Variants in GLRA1 observed in about 807,000 individuals in gnomAD.
GLRA1 encodes glycine receptor alpha 1.
Under a neutral mutation model 48.3 loss-of-function variants are expected in GLRA1, and 37 were observed. That is an observed-to-expected ratio of 0.77 (90% CI 0.59 to 1.01). The LOEUF (loss-of-function observed/expected upper bound fraction) is 1.01. GLRA1 is among the 50% of genes least tolerant of loss of function. The pLI is 0.00. For missense variants in GLRA1, 427 were observed against 571.0 expected (o/e 0.75, Z 2.57); for synonymous variants, 196 against 210.7 (o/e 0.93, Z 0.60).
intron 7 of GLRA1, among the ~76,000 whole-genome samples, chr5:151,849,426 C>CTTTCA (rs1752822770): frequency 5.6e-5 from 1 of 18,008 alleles, no homozygotes; most frequent in African/African-American, 3.1e-4. Flanking sequence ...CTTTCCTTTC[C>CTTTCA]TTTCCTTTCC....
intron 1 of GLRA1, among the ~76,000 whole-genome samples, chr5:151,918,449 C>T (rs763891309): frequency 2.8e-4 from 42 of 152,122 alleles, no homozygotes; most frequent in Admixed American, 1.8e-3. Flanking sequence ...TTTCTTAAAA[C>T]GAGGCTTTTG....
chr5:151,857,621 A>C (rs759482037), intron 4 of GLRA1, among the ~76,000 whole-genome samples: 1 of 152,184 alleles, frequency 6.6e-6, no homozygotes, highest in Non-Finnish European at 1.5e-5. Flanking sequence ...CTACATCAGT[A>C]GGCTCATGCT....
chr5:151,924,464 G>A, intron 1 of GLRA1, 30 bp downstream of exon 1: 2 of 1,374,826 alleles, frequency 1.5e-6, no homozygotes, highest in Non-Finnish European at 2.1e-6. Context: ...ATTTCCATCA[G>A]AGCGATGTGG....
At chr5:151,886,480 A>G (rs182167095) in intron 3 of GLRA1, among the ~76,000 whole-genome samples, 75 of 152,272 alleles carry the variant, frequency 4.9e-4, no homozygotes, top group Admixed American at 2.7e-3. Context: ...TGTTTTTGTA[A>G]TCCTGGGTGT....
intron 7 of GLRA1, chr5:151,849,855 A>C: frequency 7.2e-7 from 1 of 1,394,562 alleles, no homozygotes; most frequent in Non-Finnish European, 9.4e-7. Context: ...TGCCTAGCCT[A>C]GAATTTTGAT....
intron 3 of GLRA1, among the ~76,000 whole-genome samples, chr5:151,865,877 TC>T (rs1753322470): frequency 6.6e-6 from 1 of 152,146 alleles, no homozygotes; most frequent in African/African-American, 2.4e-5. Context: ...ATTGATTTCC[TC>T]CCTTAAGTTG....
chr5:151,851,168 G>A (rs899678590), intron 7 of GLRA1, among the ~76,000 whole-genome samples: 4 of 152,248 alleles, frequency 2.6e-5, no homozygotes, highest in African/African-American at 7.2e-5. Flanking sequence ...GGAGCAGAAT[G>A]TGGTGTCTGG....
intron 1 of GLRA1, among the ~76,000 whole-genome samples, chr5:151,921,017 C>T (rs1265681586): frequency 6.6e-6 from 1 of 152,196 alleles, no homozygotes; most frequent in Non-Finnish European, 1.5e-5. Context: ...TGGATAGAAA[C>T]ATCTTCCCTT....
chr5:151,902,252 G>A (rs1473037915), intron 1 of GLRA1, among the ~76,000 whole-genome samples: 2 of 152,036 alleles, frequency 1.3e-5, no homozygotes, highest in Non-Finnish European at 2.9e-5. Flanking sequence ...TCGATTGAAA[G>A]GTAGGAGGCC....
At chr5:151,924,341 G>T (rs372230700) in intron 1 of GLRA1, among the ~76,000 whole-genome samples, 153 bp downstream of exon 1, 3 of 151,122 alleles carry the variant, frequency 2.0e-5, no homozygotes, top group Non-Finnish European at 4.4e-5. Flanking sequence ...GGGGTGGGAG[G>T]GGGGAGAAGG....
chr5:151,842,335 G>C (rs1389252043), intron 7 of GLRA1, among the ~76,000 whole-genome samples: 1 of 136,552 alleles, frequency 7.3e-6, no homozygotes, highest in Admixed American at 7.4e-5. Context: ...CATCTCTTAT[G>C]AATACAGACA....
At chr5:151,849,138 T>TCTCTCTC (rs1752783477) in intron 7 of GLRA1, 1 of 200,176 alleles carries the variant, frequency 5.0e-6, no homozygotes, top group African/African-American at 5.1e-5. Flanking sequence ...CTTTCTTTCT[T>TCTCTCTC]TCTTTCTTTC....
chr5:151,865,353 G>A (rs1015967313), intron 3 of GLRA1, among the ~76,000 whole-genome samples: 1 of 152,180 alleles, frequency 6.6e-6, no homozygotes, highest in Non-Finnish European at 1.5e-5. Flanking sequence ...GATATTTAAG[G>A]TGAGACCAAA....
chr5:151,897,299 C>T (rs903015713), intron 1 of GLRA1, among the ~76,000 whole-genome samples: 1 of 152,150 alleles, frequency 6.6e-6, no homozygotes, highest in African/African-American at 2.4e-5. Flanking sequence ...AGATATGCAT[C>T]GGGGAGCTCT....
At chr5:151,848,026 T>A (rs76110641) in intron 7 of GLRA1, among the ~76,000 whole-genome samples, 20,829 of 152,154 alleles carry the variant, frequency 0.14, 1,536 homozygotes, top group African/African-American at 0.16. Flanking sequence ...GCAAATGTGG[T>A]GTTTAACACT....
chr5:151,911,154 T>A (rs1021658739), intron 1 of GLRA1, among the ~76,000 whole-genome samples: 3 of 152,242 alleles, frequency 2.0e-5, no homozygotes, highest in Non-Finnish European at 4.4e-5. Flanking sequence ...TCAGCTTGAC[T>A]GTTCTGCAAG....
intron 1 of GLRA1, among the ~76,000 whole-genome samples, chr5:151,905,421 A>G (rs114415941): frequency 1.2e-3 from 182 of 152,004 alleles, no homozygotes; most frequent in African/African-American, 4.3e-3. Flanking sequence ...AAATGACTGC[A>G]TATGCCAGTG....
chr5:151,835,097 C>T (rs944128348), intron 7 of GLRA1, among the ~76,000 whole-genome samples: 5 of 150,302 alleles, frequency 3.3e-5, no homozygotes, highest in African/African-American at 1.2e-4. Context: ...GGGATATCAC[C>T]ACTGATCCCA....
At chr5:151,887,787 G>A (rs927250820) in intron 2 of GLRA1, among the ~76,000 whole-genome samples, 1 of 152,152 alleles carries the variant, frequency 6.6e-6, no homozygotes, top group African/African-American at 2.4e-5. Flanking sequence ...GACAAAAAGG[G>A]CTGACATAAA....
Sources: allele counts gnomAD v4.1 joint callset (sites outside exome capture counted in the v4.1 genomes callset), GRCh38; gene constraint gnomAD v4.1.1; transcripts MANE v1.5; gene names NCBI Gene and HGNC (gene_info 2026-07-23, HGNC 2026-07-21).